USP7: variants seen among roughly 807,000 people sequenced by gnomAD.
USP7 encodes the protein ubiquitin C-terminal hydrolase 7.
A neutral mutation model predicts 162.9 loss-of-function variants in USP7; 9 were observed. That is an observed-to-expected ratio of 0.06 (90% CI 0.03 to 0.10). The LOEUF is 0.10. Ranked by LOEUF, USP7 falls within the 10% of genes least tolerant of loss-of-function variation. The pLI is 1.00. For missense variants in USP7, 715 were observed against 1,373.7 expected, an observed-to-expected ratio of 0.52 and a Z score of 7.58; for synonymous variants, 562 against 475.9, an observed-to-expected ratio of 1.18 and a Z score of -2.35.
At chr16:8,925,388 C>G (rs1378571542) in intron 2 of USP7, among the ~76,000 whole-genome samples, 1 of 152,172 alleles carries the variant, frequency 6.6e-6, no homozygotes, top group East Asian at 1.9e-4. Flanking sequence ...AAAATCACTG[C>G]AGGACCTAAA....
At chr16:8,936,465 A>C in intron 1 of USP7, 1 of 1,058,554 alleles carries the variant, frequency 9.4e-7, no homozygotes, top group Non-Finnish European at 1.3e-6. Context: ...AATTTTACTG[A>C]TACAATGTCT....
At chr16:8,940,583 C>A (rs1204799916) in intron 1 of USP7, among the ~76,000 whole-genome samples, 2 of 152,108 alleles carry the variant, frequency 1.3e-5, no homozygotes, top group Non-Finnish European at 2.9e-5. Flanking sequence ...GAGGTGGGAG[C>A]CTGTAAGCTC....
rs11644175 is a variant in USP7 at position 8,895,269 on chromosome 16, C to T, written c.2920-119G>A. 6.3e-3 allele frequency: 9,258 copies of T among 1,479,562 alleles called. 30 individuals are homozygous for T. Among genetic ancestry groups the T allele is most frequent in the Non-Finnish European group, 7.9e-3 (8,612 of 1,091,932 alleles). 91.7% of individuals were successfully genotyped at this position (1,479,562 alleles called of 1,614,324 possible). On this transcript the variant is annotated intron_variant, in intron 27 of 30. Transcript: ENST00000344836. ...GTAAAGCCTATTTTTGCTAAAAAAA[C>T]GCCACACCTGGATCCAGCCAGAGTG... is the stretch of plus-strand genomic sequence containing the variant.
rs188946628 is a variant in USP7, at chr16:8,917,850, C to T, written c.721-694G>A. ...TGTCACCCAGGCTGGAATGCAGTGG[C>T]GTGATCTTGGCTCACTGCAATCTCC... On this transcript the variant is annotated intron_variant, in intron 6 of 30. Coordinates refer to ENST00000344836, the MANE Select transcript of USP7 (RefSeq NM_003470.3). Among the ~76,000 whole-genome samples the T allele has an allele frequency of 5.9e-4, 90 of 151,992 alleles. No homozygotes were observed. In the East Asian group the frequency reaches 0.015, roughly 25 times the overall value.
At chr16:8,936,540 T>A in intron 1 of USP7, 1 of 1,497,876 alleles carries the variant, frequency 6.7e-7, no homozygotes, top group Non-Finnish European at 8.9e-7. Context: ...GTTATCTCCA[T>A]CCATCACCAG....
At chr16:8,954,972 A>T (rs4630541) in intron 1 of USP7, among the ~76,000 whole-genome samples, 1 of 152,214 alleles carries the variant, frequency 6.6e-6, no homozygotes, top group Non-Finnish European at 1.5e-5. Flanking sequence ...AAATAAAAAT[A>T]AAATAAAAAA....
chr16:8,921,385 C>G (rs1372601809), intron 3 of USP7, 90 bp from the exon 4 acceptor site: 3 of 1,451,912 alleles, frequency 2.1e-6, no homozygotes, highest in African/African-American at 2.8e-5. Context: ...CACCAAAATT[C>G]CCATTTATGA....
intron 22 of USP7, 116 bp from the exon 23 acceptor site, chr16:8,899,304 A>T: frequency 9.8e-7 from 1 of 1,017,096 alleles, no homozygotes; most frequent in Middle Eastern, 2.1e-4. Context: ...TTCCCTAGAA[A>T]TTTATTAAAC....
chr16:8,962,437 T>C (rs773341541), intron 1 of USP7: 2 of 442,426 alleles, frequency 4.5e-6, no homozygotes, highest in South Asian at 1.6e-5. Flanking sequence ...CTACAGTGCC[T>C]TGGAAAATTA....
At chr16:8,936,464 G>A (rs1898730403) in intron 1 of USP7, 2 of 1,040,384 alleles carry the variant, frequency 1.9e-6, no homozygotes, top group East Asian at 3.2e-5. Flanking sequence ...AAATTTTACT[G>A]ATACAATGTC....
chr16:8,961,041 T>A (rs1048258009), intron 1 of USP7, among the ~76,000 whole-genome samples: 3 of 152,216 alleles, frequency 2.0e-5, no homozygotes, highest in Non-Finnish European at 4.4e-5. Context: ...CAATTTGAGA[T>A]TCTGCTAAAT....
Position 8,898,452 on chromosome 16 carries a change from A to T in USP7, c.2641-15T>A, listed in dbSNP as rs777202195. On this transcript the variant is annotated splice_polypyrimidine_tract_variant and intron_variant, in intron 24 of 30. Coordinates refer to ENST00000344836, the MANE Select transcript of USP7 (RefSeq NM_003470.3). Reference sequence around the variant, plus strand: ...TTCATCTTAAGCTATTAAGAAAAGAAAGATTCACATCAGATACCGTCACCA... The same window carrying T: ...TTCATCTTAAGCTATTAAGAAAAGATAGATTCACATCAGATACCGTCACCA... 3.1e-6 allele frequency: 5 copies of T among 1,611,208 alleles called. No individual in the cohort carries two copies. In the East Asian group the frequency reaches 8.9e-5, roughly 29 times the overall value.
chr16:8,896,977 A>T, intron 26 of USP7, 22 bp downstream of exon 26: 1 of 1,592,818 alleles, frequency 6.3e-7, no homozygotes, highest in Non-Finnish European at 8.6e-7. Flanking sequence ...AACGTCCACA[A>T]TTGGGCTCAA....
intron 1 of USP7, among the ~76,000 whole-genome samples, chr16:8,945,063 C>T (rs1899218241): frequency 6.6e-6 from 1 of 152,174 alleles, no homozygotes; most frequent in African/African-American, 2.4e-5. Context: ...ACCAGCCTGA[C>T]CAAGATGATG....
At chr16:8,916,953 C>G (rs1290449448) in intron 7 of USP7, 73 bp downstream of exon 7, 2 of 1,449,726 alleles carry the variant, frequency 1.4e-6, no homozygotes, top group African/African-American at 3.1e-5. Flanking sequence ...CTTTTCTATT[C>G]TCTACTCACT....
At chr16:8,934,874 G>C (rs1007477983) in intron 1 of USP7, among the ~76,000 whole-genome samples, 2 of 152,222 alleles carry the variant, frequency 1.3e-5, no homozygotes, top group Non-Finnish European at 2.9e-5. Flanking sequence ...AGGGGCAGGA[G>C]ATCCCGTTTT....
chr16:8,908,098 G>T (rs149965411), intron 12 of USP7, among the ~76,000 whole-genome samples: 3 of 152,222 alleles, frequency 2.0e-5, no homozygotes, highest in African/African-American at 7.2e-5. Context: ...CCATAGCTGA[G>T]AGCAGGGCTG....
intron 1 of USP7, among the ~76,000 whole-genome samples, chr16:8,941,111 A>G (rs932510557): frequency 3.9e-5 from 6 of 152,056 alleles, no homozygotes; most frequent in African/African-American, 1.4e-4. Context: ...GCTGCTGCCC[A>G]ATTCACATGG....
At chr16:8,958,258 G>A (rs1289838690) in intron 1 of USP7, among the ~76,000 whole-genome samples, 2 of 152,212 alleles carry the variant, frequency 1.3e-5, no homozygotes, top group Non-Finnish European at 2.9e-5. Flanking sequence ...AAGGCTTAGG[G>A]GAAAGGTGGC....
Sources: gnomAD v4.1 joint callset for allele counts (sites outside exome capture counted in the v4.1 genomes callset) on GRCh38, gnomAD v4.1.1 for gene constraint, MANE v1.5 for transcripts, NCBI Gene and HGNC (gene_info 2026-07-23, HGNC 2026-07-21) for gene names.